The following EPHA6 variants were observed in gnomAD, a reference collection of about 807,000 sequenced individuals.
The protein encoded by EPHA6 is EPH receptor A6, also known as ephrin type-A receptor 6.
Under a neutral mutation model 112.0 loss-of-function variants are expected in EPHA6, and 50 were observed. The observed-to-expected ratio is 0.45, with a 90% confidence interval of 0.36 to 0.56. The LOEUF is 0.56. Ranked by LOEUF, EPHA6 falls within the 20% of genes least tolerant of loss-of-function variation. The pLI is 0.00. For synonymous variants in EPHA6, 529 were observed against 490.7 expected, an observed-to-expected ratio of 1.08 and a Z score of -1.03; for missense variants, 1,280 against 1,417.4, an observed-to-expected ratio of 0.90 and a Z score of 1.56.
intron 2 of EPHA6, among the ~76,000 whole-genome samples, chr3:96,948,932 A>AG (rs2041407724): frequency 6.6e-6 from 1 of 152,132 alleles, no homozygotes; most frequent in African/African-American, 2.4e-5. Context: ...GTGCATCCTA[A>AG]GTTGTGAGTG....
chr3:97,312,677 GT>G (rs539618275), intron 5 of EPHA6, among the ~76,000 whole-genome samples: 16 of 150,256 alleles, frequency 1.1e-4, no homozygotes, highest in East Asian at 2.0e-4. Context: ...CCTATGCATA[GT>G]TTTTTTTTAA....
chr3:97,083,574 A>G (rs1175070828), intron 3 of EPHA6, among the ~76,000 whole-genome samples: 1 of 151,870 alleles, frequency 6.6e-6, no homozygotes, highest in Non-Finnish European at 1.5e-5. Context: ...TTTTTATCAA[A>G]CTATATTGAT....
intron 10 of EPHA6, among the ~76,000 whole-genome samples, chr3:97,531,506 A>T (rs554686981): frequency 6.6e-6 from 1 of 152,080 alleles, no homozygotes; most frequent in South Asian, 2.1e-4. Context: ...TCATCTCTCA[A>T]GGTCTAGCAT....
intron 11 of EPHA6, among the ~76,000 whole-genome samples, chr3:97,553,007 C>T (rs1684355320): frequency 6.6e-6 from 1 of 152,086 alleles, no homozygotes; most frequent in African/African-American, 2.4e-5. Flanking sequence ...AGAAATATTT[C>T]CTAGACAAAT....
At chr3:96,846,039 T>C (rs2035055546) in intron 1 of EPHA6, among the ~76,000 whole-genome samples, 1 of 152,070 alleles carries the variant, frequency 6.6e-6, no homozygotes, top group Non-Finnish European at 1.5e-5. Context: ...TGTTAAACAG[T>C]GTTTTTCAAT....
chr3:97,389,878 T>C lies in EPHA6; in HGVS notation c.1607-15272T>C, dbSNP rs555759317. On this transcript the variant is annotated intron_variant, in intron 5 of 17. Coordinates refer to ENST00000389672, the MANE Select transcript of EPHA6 (RefSeq NM_001080448.3). ...AAAAAAATGAAACATATGCCCTGAA[T>C]GCTTTTGAAGCTACTGTGAGAACAT... Among the ~76,000 whole-genome samples, 4 of 152,280 alleles carry C rather than the reference T, an allele frequency of 2.6e-5. No homozygotes were observed. The East Asian group carries it at 7.7e-4, about 29-fold the overall frequency.
At chr3:97,325,184 A>C (rs1434881784) in intron 5 of EPHA6, among the ~76,000 whole-genome samples, 1 of 152,104 alleles carries the variant, frequency 6.6e-6, no homozygotes, top group Non-Finnish European at 1.5e-5. Context: ...TAAATAGGTT[A>C]ATTCATTACT....
intron 11 of EPHA6, among the ~76,000 whole-genome samples, chr3:97,559,239 A>G (rs1161607002): frequency 6.6e-6 from 1 of 152,044 alleles, no homozygotes; most frequent in Non-Finnish European, 1.5e-5. Flanking sequence ...AGGGCAAGAC[A>G]AAAACTTACC....
intron 3 of EPHA6, among the ~76,000 whole-genome samples, chr3:97,101,844 T>G (rs2036352): frequency 0.21 from 32,037 of 152,038 alleles, 4,789 homozygotes; most frequent in African/African-American, 0.4. Context: ...TGTAGTTCTT[T>G]TATCAGACAG....
chr3:96,820,494 T>A (rs9869712), intron 1 of EPHA6, among the ~76,000 whole-genome samples: 89 of 152,044 alleles, frequency 5.9e-4, no homozygotes, highest in African/African-American at 2.1e-3. Flanking sequence ...TAAATAGAAT[T>A]TATGGGAACA....
chr3:97,004,113 A>G (rs761826569), intron 3 of EPHA6, among the ~76,000 whole-genome samples: 71 of 152,290 alleles, frequency 4.7e-4, no homozygotes, highest in Admixed American at 1.9e-3. Flanking sequence ...ATATGCATGC[A>G]TGTGTCTTTA....
intron 3 of EPHA6, among the ~76,000 whole-genome samples, chr3:97,041,891 A>G (rs1281216103): frequency 6.6e-6 from 1 of 151,814 alleles, no homozygotes; most frequent in South Asian, 2.1e-4. Flanking sequence ...TGATCTAATC[A>G]CCTCCCCTTA....
rs534323373 is a variant in EPHA6 at position 97,551,354 on chromosome 3, C to T, written c.2386+18811C>T. Reference sequence around the variant, plus strand: ...TAGTCCACTTGTGATTGAGATAAAGCAACAGAATGATGTAAATTCATTGAC... The same window carrying T: ...TAGTCCACTTGTGATTGAGATAAAGTAACAGAATGATGTAAATTCATTGAC... On this transcript the variant is annotated intron_variant, in intron 11 of 17. Transcript: ENST00000389672. 2.6e-5 allele frequency among the ~76,000 whole-genome samples: 4 copies of T among 152,198 alleles called. No homozygotes were observed. The South Asian group carries it at 8.3e-4, about 32-fold the overall frequency.
intron 16 of EPHA6, among the ~76,000 whole-genome samples, chr3:97,736,468 AGAGTGTGTGTGTGTGT>A (rs909236689): frequency 3.6e-5 from 4 of 109,644 alleles, no homozygotes; most frequent in African/African-American, 1.5e-4. Flanking sequence ...AGAGAGAGAG[AGAGTGTGTGTGTGTGT>A]GTGTGTGTGT....
At chr3:97,691,819 G>GAGC (rs1332203265) in intron 14 of EPHA6, among the ~76,000 whole-genome samples, 10 of 152,168 alleles carry the variant, frequency 6.6e-5, no homozygotes, top group Non-Finnish European at 1.5e-4. Context: ...ATGACATCCT[G>GAGC]AGCAGAAAAA....
rs1484785629 is a variant in EPHA6, at chr3:96,934,453, T to C, written c.451-52877T>C. On this transcript the variant is annotated intron_variant, in intron 2 of 17. Transcript: ENST00000389672. ...TGTTTCCAGAACTATTTTTTCTGCA[T>C]ACCTTATTATTTTATTAACCATGGT... Among the ~76,000 whole-genome samples, 7 of 151,892 alleles carry C rather than the reference T, an allele frequency of 4.6e-5. No homozygotes were observed. The East Asian group carries it at 5.8e-4, about 13-fold the overall frequency.
chr3:97,119,908 T>C (rs1475246902), intron 3 of EPHA6, among the ~76,000 whole-genome samples: 1 of 152,016 alleles, frequency 6.6e-6, no homozygotes, highest in Non-Finnish European at 1.5e-5. Context: ...AACCCAGTTT[T>C]AAAAATTCAC....
intron 2 of EPHA6, among the ~76,000 whole-genome samples, chr3:96,916,357 A>G (rs72916434): frequency 0.013 from 2,048 of 152,150 alleles, 50 homozygotes; most frequent in African/African-American, 0.045. Context: ...TTCTTTGGGG[A>G]ATCTCCTTTT....
chr3:97,434,449 A>T lies in EPHA6; in HGVS notation c.1732-14119A>T, dbSNP rs563067063. 9.9e-5 allele frequency among the ~76,000 whole-genome samples: 15 copies of T among 152,268 alleles called. No homozygotes were observed. In the South Asian group the frequency reaches 1.4e-3, roughly 15 times the overall value. The stretch of plus-strand genomic sequence containing the variant: ...TTTATTTTGACTAATTTGACATGTC[A>T]TTTCAGGCTAAAAAGTCATACGTCC... On this transcript the variant is annotated intron_variant, in intron 6 of 17. Coordinates refer to ENST00000389672, the MANE Select transcript of EPHA6 (RefSeq NM_001080448.3).
Sources: allele counts gnomAD v4.1 joint callset (sites outside exome capture counted in the v4.1 genomes callset), GRCh38; gene constraint gnomAD v4.1.1; transcripts MANE v1.5; gene names NCBI Gene and HGNC (gene_info 2026-07-23, HGNC 2026-07-21).